TLK1: variants seen among roughly 807,000 people sequenced by gnomAD.
TLK1 encodes the protein tousled like kinase 1.
Under a neutral mutation model 105.3 loss-of-function variants are expected in TLK1, and 24 were observed. That is an observed-to-expected ratio of 0.23 (90% CI 0.17 to 0.32). TLK1 has a LOEUF of 0.32. Among genes scored for constraint, TLK1 ranks in the 10% least tolerant of loss-of-function variants. TLK1 has a pLI of 1.00. For synonymous variants in TLK1, 321 were observed against 310.4 expected (o/e 1.03, Z -0.36); for missense variants, 558 against 910.5 (o/e 0.61, Z 4.98).
rs528545181 is a variant in TLK1, at chr2:171,156,362, C to G, written c.139+3928G>C. ...TATTCTTCATAAAAAATTCTATTTACAACACAGTTTAAATTAATAAATATA... is the reference window on the plus strand; with the variant it reads ...TATTCTTCATAAAAAATTCTATTTAGAACACAGTTTAAATTAATAAATATA... On this transcript the variant is annotated intron_variant, in intron 1 of 20. Coordinates refer to ENST00000431350, the MANE Select transcript of TLK1 (RefSeq NM_012290.5). Among the ~76,000 whole-genome samples the G allele has an allele frequency of 7.7e-4, 117 of 152,322 alleles. 1 individual carries two copies. The highest frequency in any genetic ancestry group is 1.3e-3 in the Non-Finnish European group (91 of 68,024).
At chr2:171,149,108 T>C (rs1196974226) in intron 1 of TLK1, among the ~76,000 whole-genome samples, 8 of 145,286 alleles carry the variant, frequency 5.5e-5, no homozygotes, top group South Asian at 2.2e-4. Flanking sequence ...TCTTTTTTTT[T>C]TTTTTTTTTT....
At chr2:171,168,160 ATCT>A (rs770917622) in intron 1 of TLK1, among the ~76,000 whole-genome samples, 2 of 152,098 alleles carry the variant, frequency 1.3e-5, no homozygotes, top group East Asian at 1.9e-4. Flanking sequence ...AATATCAAAT[ATCT>A]TTGATCTTCG....
intron 11 of TLK1, among the ~76,000 whole-genome samples, chr2:171,044,853 A>T (rs1343888219): frequency 6.6e-6 from 1 of 152,194 alleles, no homozygotes; most frequent in Non-Finnish European, 1.5e-5. Context: ...CTGCTACGTA[A>T]GTTAAAGACC....
intron 1 of TLK1, among the ~76,000 whole-genome samples, chr2:171,148,513 A>G (rs373467212): frequency 6.6e-6 from 1 of 152,218 alleles, no homozygotes; most frequent in East Asian, 1.9e-4. Context: ...GAGTCATTGC[A>G]AAGTAACTTT....
At chr2:171,187,367 C>T (rs1399353601) in intron 1 of TLK1, among the ~76,000 whole-genome samples, 1 of 152,170 alleles carries the variant, frequency 6.6e-6, no homozygotes, top group Non-Finnish European at 1.5e-5. Flanking sequence ...AACTGTTTGG[C>T]CTGATAACTC....
At chr2:171,131,925 G>A (rs1575617082) in intron 1 of TLK1, among the ~76,000 whole-genome samples, 1 of 151,734 alleles carries the variant, frequency 6.6e-6, no homozygotes, top group Non-Finnish European at 1.5e-5. Context: ...ATGAAAATGT[G>A]TACAAAATCC....
In TLK1 at chr2:171,006,297, T is replaced by G. The variant is rs781478800; in HGVS notation, c.1769-15A>C. ...TAGGATGTTTCCTAAGAATAAAATA[T>G]AAGATTCTTTTAATGATACATACAT... On this transcript the variant is annotated splice_polypyrimidine_tract_variant and intron_variant, in intron 17 of 20. Coordinates refer to ENST00000431350, the MANE Select transcript of TLK1 (RefSeq NM_012290.5). 2 of 1,570,784 alleles carry G rather than the reference T, an allele frequency of 1.3e-6. No homozygotes were observed. Among genetic ancestry groups the G allele is most frequent in the African/African-American group, 2.8e-5 (2 of 72,678 alleles).
intron 1 of TLK1, among the ~76,000 whole-genome samples, chr2:171,213,735 T>G (rs1693662331): frequency 6.8e-6 from 1 of 147,722 alleles, no homozygotes; most frequent in Non-Finnish European, 1.5e-5. Context: ...GGCTTATATT[T>G]TTTTAGAGAT....
chr2:171,022,602 G>A (rs569954965), intron 12 of TLK1, among the ~76,000 whole-genome samples: 1 of 152,246 alleles, frequency 6.6e-6, no homozygotes, highest in African/African-American at 2.4e-5. Context: ...AATGTAGTTG[G>A]CTTTAATTGA....
In TLK1 at chr2:171,006,456, G is replaced by T; in HGVS notation, c.1768+18C>A. 6.4e-7 allele frequency: 1 copy of T among 1,553,504 alleles called. No homozygotes were observed. Among genetic ancestry groups the T allele is most frequent in the South Asian group, 1.2e-5 (1 of 81,558 alleles). ...CTATACTCAAGTTTAAAAAAAATTA[G>T]ACAAATTTCATAATTACCTGGCTTA... On this transcript the variant is annotated intron_variant, in intron 17 of 20. Coordinates refer to ENST00000431350, the MANE Select transcript of TLK1 (RefSeq NM_012290.5).
chr2:171,081,528 A>T (rs1297639747), intron 3 of TLK1: 1 of 546,150 alleles, frequency 1.8e-6, no homozygotes, highest in Non-Finnish European at 2.7e-6. Context: ...TACACTTTTT[A>T]AAAAACTTTG....
chr2:171,230,256 T>A (rs1220946525), intron 1 of TLK1, among the ~76,000 whole-genome samples: 3 of 152,228 alleles, frequency 2.0e-5, no homozygotes, highest in Non-Finnish European at 4.4e-5. Context: ...AATATAGTTA[T>A]AATTAAGCAT....
intron 4 of TLK1, chr2:171,059,876 G>T: frequency 1.1e-6 from 1 of 947,086 alleles, no homozygotes; most frequent in Non-Finnish European, 1.7e-6. Context: ...CCGCTGATCT[G>T]ACAGGAGGCC....
upstream of TLK1, among the ~76,000 whole-genome samples, chr2:171,161,894 A>G (rs774018366): frequency 6.6e-6 from 1 of 152,232 alleles, no homozygotes; most frequent in Non-Finnish European, 1.5e-5. Context: ...AAGTACAACA[A>G]GGTTATTTCT....
Position 171,160,559 on chromosome 2 carries a change from C to A in TLK1, c.-131G>T. 5.2e-6 allele frequency: 7 copies of A among 1,352,322 alleles called. No homozygotes were observed. Among genetic ancestry groups the A allele is most frequent in the African/African-American group, 1.6e-5 (1 of 62,538 alleles). The allele number at this position is 1,352,322 out of a possible 1,614,324, so 83.8% of individuals were successfully genotyped here. ...AGAGCGAGGGCTGGGAGGGGAGAGT[C>A]AAGGGGATGGGGGAGGAAACCGAGA... is the stretch of plus-strand genomic sequence containing the variant. On this transcript the variant is annotated 5_prime_UTR_variant, in exon 1 of 21. Transcript: ENST00000431350. This position sits in a 1 kb window ranked among gnomAD's most constrained non-coding sequence, Gnocchi z 4.4.
intron 1 of TLK1, among the ~76,000 whole-genome samples, chr2:171,137,578 G>C (rs1391387160): frequency 1.3e-5 from 2 of 152,150 alleles, no homozygotes; most frequent in East Asian, 1.9e-4. Flanking sequence ...GCCAGGCGCA[G>C]TGGCTCACGT....
intron 4 of TLK1, 129 bp downstream of exon 4, chr2:171,060,952 A>G: frequency 1.2e-6 from 1 of 815,268 alleles, no homozygotes; most frequent in Non-Finnish European, 1.9e-6. Context: ...ATTATACACT[A>G]ACTACCTGTG....
At chr2:171,187,465 T>C (rs1693054815) in intron 1 of TLK1, among the ~76,000 whole-genome samples, 1 of 152,224 alleles carries the variant, frequency 6.6e-6, no homozygotes, top group Admixed American at 6.5e-5. Flanking sequence ...TATGACAGTT[T>C]CACAAGTCCT....
intron 3 of TLK1, among the ~76,000 whole-genome samples, chr2:171,068,186 A>G (rs2723233): frequency 0.62 from 93,566 of 151,732 alleles, 29,727 homozygotes; most frequent in East Asian, 0.95. Flanking sequence ...AAAATTAGCC[A>G]GATCTGGTGG....
Sources: allele counts gnomAD v4.1 joint callset (sites outside exome capture counted in the v4.1 genomes callset), GRCh38; gene constraint gnomAD v4.1.1; non-coding constraint Gnocchi (gnomAD v3.1); transcripts MANE v1.5; gene names NCBI Gene and HGNC (gene_info 2026-07-23, HGNC 2026-07-21).